The following ELMO1 variants were observed in gnomAD, a reference collection of about 807,000 sequenced individuals.
The protein encoded by ELMO1 is engulfment and cell motility 1, also known as engulfment and cell motility protein 1.
Under a neutral mutation model 98.9 loss-of-function variants are expected in ELMO1, and 26 were observed. The observed-to-expected ratio is 0.26, with a 90% CI of 0.19 to 0.36. The LOEUF (loss-of-function observed/expected upper bound fraction) is 0.36, where lower values mean the gene tolerates loss of function less well. Among genes scored for constraint, ELMO1 ranks in the 10% least tolerant of loss-of-function variants. ELMO1 has a pLI of 1.00. For synonymous variants in ELMO1, 346 were observed against 346.0 expected (o/e 1.00, Z 0.00); for missense variants, 627 against 935.2 (o/e 0.67, Z 4.30).
At chr7:37,239,476 T>C (rs902587418) in intron 7 of ELMO1, among the ~76,000 whole-genome samples, 1 of 152,232 alleles carries the variant, frequency 6.6e-6, no homozygotes, top group Non-Finnish European at 1.5e-5. Context: ...ATTTCAATTT[T>C]TTTAATAACT....
intron 17 of ELMO1, among the ~76,000 whole-genome samples, chr7:36,888,197 C>T (rs1477555767): frequency 6.6e-6 from 1 of 152,190 alleles, no homozygotes; most frequent in Non-Finnish European, 1.5e-5. Flanking sequence ...GACAACAACA[C>T]TGTCCCAGAT....
At chr7:37,107,805 A>C (rs2129273230) in intron 14 of ELMO1, among the ~76,000 whole-genome samples, 1 of 152,332 alleles carries the variant, frequency 6.6e-6, no homozygotes, top group South Asian at 2.1e-4. Context: ...TTACAAAACA[A>C]ACACATTCCA....
intron 1 of ELMO1, among the ~76,000 whole-genome samples, chr7:37,442,544 C>T (rs1321978458): frequency 2.6e-5 from 4 of 152,166 alleles, no homozygotes; most frequent in Non-Finnish European, 4.4e-5. Context: ...TTGGCAAATA[C>T]TGTTCTCATT....
At chr7:37,384,076 G>A (rs562424671) in intron 1 of ELMO1, among the ~76,000 whole-genome samples, 6 of 152,218 alleles carry the variant, frequency 3.9e-5, no homozygotes, top group South Asian at 4.1e-4. Context: ...CGGCCTCCCA[G>A]AATGCTGGGA....
chr7:37,407,646 G>A (rs1274349266), intron 1 of ELMO1, among the ~76,000 whole-genome samples: 1 of 152,082 alleles, frequency 6.6e-6, no homozygotes. Context: ...TAAAAACATC[G>A]GTAGTTGCCA....
intron 14 of ELMO1, among the ~76,000 whole-genome samples, chr7:37,105,508 T>C (rs557827549): frequency 1.3e-5 from 2 of 152,300 alleles, no homozygotes; most frequent in South Asian, 4.1e-4. Flanking sequence ...TCTATTAGAA[T>C]CCTCTAAAAG....
chr7:37,161,393 G>A (rs1789191713), intron 13 of ELMO1, among the ~76,000 whole-genome samples: 1 of 152,086 alleles, frequency 6.6e-6, no homozygotes, highest in African/African-American at 2.4e-5. Flanking sequence ...TCCTGAGACT[G>A]TTGAACTGTA....
intron 13 of ELMO1, among the ~76,000 whole-genome samples, chr7:37,179,573 G>C (rs188661930): frequency 1.3e-5 from 2 of 151,992 alleles, no homozygotes; most frequent in African/African-American, 4.8e-5. Flanking sequence ...CACCGAGCCC[G>C]GCCTTGCATA....
At chr7:36,922,936 C>T (rs1251519032) in intron 16 of ELMO1, among the ~76,000 whole-genome samples, 1 of 152,192 alleles carries the variant, frequency 6.6e-6, no homozygotes, top group African/African-American at 2.4e-5. Context: ...GAAATGACCA[C>T]CAGCAAAGTG....
intron 14 of ELMO1, among the ~76,000 whole-genome samples, chr7:37,102,018 A>G (rs1019489259): frequency 5.3e-5 from 8 of 152,114 alleles, no homozygotes; most frequent in Non-Finnish European, 1.2e-4. Context: ...CAACAAATAA[A>G]TAAGAAGCCT....
intron 1 of ELMO1, among the ~76,000 whole-genome samples, chr7:37,373,405 G>A (rs974672115): frequency 2.6e-5 from 4 of 152,096 alleles, no homozygotes; most frequent in Non-Finnish European, 5.9e-5. Flanking sequence ...TCGGGAGTTT[G>A]AGACCAGCCT....
intron 16 of ELMO1, among the ~76,000 whole-genome samples, chr7:36,962,796 A>G (rs1789069914): frequency 6.7e-6 from 1 of 149,776 alleles, no homozygotes. Flanking sequence ...GTTAGCATCA[A>G]TAAACAAAGA....
intron 1 of ELMO1, among the ~76,000 whole-genome samples, chr7:37,391,058 T>TC: frequency 9.6e-6 from 1 of 103,790 alleles, no homozygotes; most frequent in Non-Finnish European, 1.9e-5. Context: ...CTTCCTTCCT[T>TC]CCTCCCTCCC....
chr7:37,259,117 T>A, intron 6 of ELMO1, 64 bp downstream of exon 6: 9 of 1,531,588 alleles, frequency 5.9e-6, no homozygotes, highest in East Asian at 2.3e-5. Context: ...GTAAGGCATG[T>A]AACAATATTC....
intron 6 of ELMO1, among the ~76,000 whole-genome samples, chr7:37,247,976 G>C (rs1209205631): frequency 2.0e-5 from 3 of 149,082 alleles, no homozygotes; most frequent in Non-Finnish European, 4.4e-5. Context: ...TCTGGCCTGG[G>C]GCCTGAGCAT....
At position 37,276,444 on chromosome 7, in the gene ELMO1, C is replaced by T. The variant is rs565926748; in HGVS notation, c.193-4562G>A. ...TAACACGGTGAAACCCCATCTCTAC[C>T]AAAAATACAAAAAAAAATTAGCCGG... On this transcript the variant is annotated intron_variant, in intron 4 of 21. Coordinates refer to ENST00000310758, the MANE Select transcript of ELMO1 (RefSeq NM_014800.11). 2.6e-5 allele frequency among the ~76,000 whole-genome samples: 4 copies of T among 151,750 alleles called. No homozygotes were observed. The South Asian group carries it at 8.3e-4, about 32-fold the overall frequency.
intron 1 of ELMO1, among the ~76,000 whole-genome samples, chr7:37,385,881 C>T (rs1459136187): frequency 6.6e-6 from 1 of 152,220 alleles, no homozygotes. Context: ...CTACCAGTGC[C>T]AGGCCCAGCT....
rs538463098 is a variant in ELMO1, at chr7:37,025,246, T to A, written c.1301-11811A>T. On this transcript the variant is annotated intron_variant, in intron 15 of 21. Transcript: ENST00000310758. ...ATAAAAAACAACAACAATGAAAAAATTTTTTGGAGAGGAGTATCAAGTTTG... is the reference window on the plus strand; with the variant it reads ...ATAAAAAACAACAACAATGAAAAAAATTTTTGGAGAGGAGTATCAAGTTTG... Among the ~76,000 whole-genome samples, 71 of 152,122 alleles carry A rather than the reference T, an allele frequency of 4.7e-4. 1 individual carries two copies. Among genetic ancestry groups the A allele is most frequent in the South Asian group, 4.6e-3 (22 of 4,818 alleles).
intron 15 of ELMO1, among the ~76,000 whole-genome samples, chr7:37,063,544 C>T (rs1211918027): frequency 6.6e-6 from 1 of 152,120 alleles, no homozygotes; most frequent in Non-Finnish European, 1.5e-5. Context: ...CCTATAGTAT[C>T]AGCAATAGAT....
Sources: gnomAD v4.1 joint callset for allele counts (sites outside exome capture counted in the v4.1 genomes callset) on GRCh38, gnomAD v4.1.1 for gene constraint, MANE v1.5 for transcripts, NCBI Gene and HGNC (gene_info 2026-07-23, HGNC 2026-07-21) for gene names.